IRF5: variants seen among roughly 807,000 people sequenced by gnomAD.
IRF5 encodes interferon regulatory factor 5.
In IRF5, 24 loss-of-function variants were observed where a neutral mutation model predicts 55.1. That is an observed-to-expected ratio of 0.44 (90% CI 0.32 to 0.61). The LOEUF (loss-of-function observed/expected upper bound fraction) is 0.61. IRF5 is among the 20% of genes least tolerant of loss of function. The pLI is 0.07. For synonymous variants in IRF5, 258 were observed against 260.2 expected (o/e 0.99, Z 0.08); for missense variants, 499 against 658.5 (o/e 0.76, Z 2.65).
Position 128,947,315 on chromosome 7 carries a change from TCTGCGGCCGCCTACTCTGCAGCCGCC to T in IRF5, c.569_594del (p.Leu190HisfsTer34), listed in dbSNP as rs774993634. 1 of 415,070 alleles carries T rather than the reference TCTGCGGCCGCCTACTCTGCAGCCGCC, an allele frequency of 2.4e-6. No individual in the cohort carries two copies. Among genetic ancestry groups the T allele is most frequent in the Non-Finnish European group, 3.4e-6 (1 of 292,530 alleles). The allele number at this position is 415,070 out of a possible 1,614,324, so 25.7% of individuals were successfully genotyped here. A position where few individuals can be genotyped will look rare whatever the true frequency, so the allele number is the denominator to read the frequency against. On this transcript the variant is annotated frameshift_variant, in exon 6 of 9. Coordinates refer to ENST00000357234, the MANE Select transcript of IRF5 (RefSeq NM_001098629.3). LOFTEE classifies it high-confidence loss of function. The surrounding 1 kb of genome is among the most constrained non-coding windows in gnomAD (Gnocchi z 6.5). ...GGCCGCCCACTCTGCAGCCGCCCAC[TCTGCGGCCGCCTACTCTGCAGCCGCC>T]CACTCTGCAGCCGCCCGTGGTGCTG... is the stretch of plus-strand genomic sequence containing the variant.
chr7:128,941,514 A>T (rs1796017618), intron 1 of IRF5: 1 of 152,482 alleles, frequency 6.6e-6, no homozygotes, highest in South Asian at 2.1e-4. Flanking sequence ...TCCAGATGAG[A>T]TTCTTGTTGA....
In IRF5 at chr7:128,947,242, C is replaced by T. The variant is rs781456978; in HGVS notation, c.494C>T (p.Ser165Phe). The T allele has an allele frequency of 3.3e-5, 53 of 1,605,560 alleles. No individual in the cohort carries two copies. Among genetic ancestry groups the T allele is most frequent in the Non-Finnish European group, 3.5e-5 (41 of 1,175,698 alleles). ...PSLSLTDAVQSGPHMTPYSLL... is the reference protein window; with the variant it reads ...PSLSLTDAVQFGPHMTPYSLL... ...GCACTCTCTGTAGATGCAGTGCAGT[C>T]TGGCCCCCACATGACACCCTATTCT... Residue 165 changes from serine to phenylalanine, a missense_variant, in exon 6 of 9, where the codon TCT (serine) becomes TTT (phenylalanine). This residue lies in a region of IRF5 where 305 missense variants were observed against 340.2 expected (regional missense o/e 0.90). Transcript: ENST00000357234. The surrounding 1 kb of genome is among the most constrained non-coding windows in gnomAD (Gnocchi z 6.5).
intron 2 of IRF5, among the ~76,000 whole-genome samples, chr7:128,942,841 T>C (rs1212637746): frequency 2.6e-5 from 4 of 152,140 alleles, no homozygotes; most frequent in African/African-American, 2.4e-5. Context: ...CAGTGGTGAT[T>C]TGATAAGCAC....
intron 1 of IRF5, among the ~76,000 whole-genome samples, chr7:128,939,440 AGGGTGT>A (rs750558700): frequency 2.7e-4 from 41 of 152,144 alleles, no homozygotes; most frequent in South Asian, 6.2e-4. Context: ...AGCAGGGCCC[AGGGTGT>A]GGGCAGCTGA....
Position 128,949,390 on chromosome 7 carries a change from T to C in IRF5, c.*572T>C, listed in dbSNP as rs1796506540. 1 of 152,394 alleles carries C rather than the reference T, an allele frequency of 6.6e-6. No homozygotes were observed. Among genetic ancestry groups the C allele is most frequent in the Non-Finnish European group, 1.5e-5 (1 of 68,180 alleles). 9.4% of individuals were successfully genotyped at this position (152,394 alleles called of 1,614,324 possible). A position where few individuals can be genotyped will look rare whatever the true frequency, so the allele number is the denominator to read the frequency against. On this transcript the variant is annotated 3_prime_UTR_variant, in exon 9 of 9. Transcript: ENST00000357234. ...GGATTAATGAATGTTAAAAACAGAC[T>C]CAGCTGTTTCTTTCCTTTTACTACT...
At chr7:128,938,873 G>C (rs1173298061) in intron 1 of IRF5, among the ~76,000 whole-genome samples, 1 of 152,054 alleles carries the variant, frequency 6.6e-6, no homozygotes, top group Non-Finnish European at 1.5e-5. Context: ...GCAGAGGCTG[G>C]AGTGGGGGAC....
intron 1 of IRF5, chr7:128,940,932 G>T: frequency 6.5e-6 from 1 of 152,694 alleles, no homozygotes; most frequent in Non-Finnish European, 1.5e-5. Context: ...GGCCAAAGCA[G>T]GCCCAGACAC....
Position 128,947,131 on chromosome 7 carries a change from C to CT in IRF5, c.481+76dup. 1 of 1,612,758 alleles carries CT rather than the reference C, an allele frequency of 6.2e-7. No homozygotes were observed. Among genetic ancestry groups the CT allele is most frequent in the South Asian group, 1.1e-5 (1 of 91,000 alleles). On this transcript the variant is annotated intron_variant, in intron 5 of 8. Transcript: ENST00000357234. The surrounding 1 kb of genome is among the most constrained non-coding windows in gnomAD (Gnocchi z 6.5). ...GGTACCATAGGTACCTGGAAGGGGG[C>CT]TGATGGGAGGCTAGGGTGGCCCAGG... is the stretch of plus-strand genomic sequence containing the variant.
In IRF5 at chr7:128,948,634, C is replaced by CTG; in HGVS notation, c.1362_1363dup (p.Asp455ValfsTer152). 6.2e-7 allele frequency: 1 copy of CTG among 1,614,196 alleles called. No individual in the cohort carries two copies. Among genetic ancestry groups the CTG allele is most frequent in the Non-Finnish European group, 8.5e-7 (1 of 1,180,042 alleles). On this transcript the variant is annotated frameshift_variant, in exon 9 of 9. Transcript: ENST00000357234. LOFTEE classifies it high-confidence loss of function. The surrounding 1 kb of genome is among the most constrained non-coding windows in gnomAD (Gnocchi z 4.6). Reference sequence around the variant, plus strand: ...TTCTCAGGGGAGCTATCTTGGTCAGCTGATAGTATCCGGCTACAGATCTCA... The same window carrying CTG: ...TTCTCAGGGGAGCTATCTTGGTCAGCTGTGATAGTATCCGGCTACAGATCTCA...
At position 128,948,301 on chromosome 7, in the gene IRF5, C is replaced by T; in HGVS notation, c.1272C>T (p.Pro424=). 1 of 1,610,288 alleles carries T rather than the reference C, an allele frequency of 6.2e-7. No individual in the cohort carries two copies. The highest frequency in any genetic ancestry group is 8.5e-7 in the Non-Finnish European group (1 of 1,178,766). ...CFGEEWPDRK[P]REKKLITVQV... is the part of the protein sequence containing the mutation. ...GGGAAGAATGGCCTGACCGCAAACC[C>T]CGAGAGAAGAAGCTCATTACTGTAC... Residue 424 remains proline (P), a synonymous_variant, in exon 8 of 9, where the codon CCC becomes CCT. Transcript: ENST00000357234. The surrounding 1 kb of genome is among the most constrained non-coding windows in gnomAD (Gnocchi z 4.6).
chr7:128,947,812 T>C lies in IRF5; in HGVS notation c.871T>C (p.Phe291Leu). The change falls in exon 7 of 9, where the codon TTC becomes CTC. Residue 291 changes from phenylalanine (F) to leucine (L), a missense_variant. Physicochemically the swap from Phe to Leu is conservative, Grantham distance 22. Coordinates refer to ENST00000357234, the MANE Select transcript of IRF5 (RefSeq NM_001098629.3). This position sits in a 1 kb window ranked among gnomAD's most constrained non-coding sequence, Gnocchi z 6.5. Reference sequence around the variant, plus strand: ...CAGCAACCCCCATGGCTGCCGGCTCTTCTACAGCCAGCTGGAGGCCACCCA... The same window carrying C: ...CAGCAACCCCCATGGCTGCCGGCTCCTCTACAGCCAGCTGGAGGCCACCCA... ...TISNPHGCRL[F>L]YSQLEATQEQ... The C allele has an allele frequency of 6.2e-7, 1 of 1,613,754 alleles. No homozygotes were observed.
rs749644072 is a variant in IRF5 at position 128,948,862 on chromosome 7, T to A, written c.*44T>A. On this transcript the variant is annotated 3_prime_UTR_variant, in exon 9 of 9. Coordinates refer to ENST00000357234, the MANE Select transcript of IRF5 (RefSeq NM_001098629.3). This position sits in a 1 kb window ranked among gnomAD's most constrained non-coding sequence, Gnocchi z 4.6. ...CTGGCCCTGGCTTCCTGGGTGGCGG[T>A]GCGGACTGATGTGGAGATGTGACAG... The A allele has an allele frequency of 1.3e-6, 2 of 1,580,948 alleles. No homozygotes were observed. The highest frequency in any genetic ancestry group is 1.7e-6 in the Non-Finnish European group (2 of 1,170,074).
chr7:128,939,426 G>A (rs1323062366), intron 1 of IRF5, among the ~76,000 whole-genome samples: 1 of 152,144 alleles, frequency 6.6e-6, no homozygotes, highest in East Asian at 1.9e-4. Flanking sequence ...TGGACCAGGT[G>A]GGCAGCAGGG....
At chr7:128,939,068 G>A (rs1795886731) in intron 1 of IRF5, among the ~76,000 whole-genome samples, 1 of 151,520 alleles carries the variant, frequency 6.6e-6, no homozygotes, top group Non-Finnish European at 1.5e-5. Context: ...GGGGAGCAGG[G>A]GCGGAGGACT....
chr7:128,947,989 C>A lies in IRF5; in HGVS notation c.1048C>A (p.Leu350Ile), dbSNP rs1796417886. 6.2e-7 allele frequency: 1 copy of A among 1,614,156 alleles called. No individual in the cohort carries two copies. Among genetic ancestry groups the A allele is most frequent in the Non-Finnish European group, 8.5e-7 (1 of 1,180,026 alleles). The change falls in exon 7 of 9, where the codon CTT becomes ATT. Residue 350 changes from leucine to isoleucine, a missense_variant. Leu to Ile is a conservative substitution (Grantham distance 5). Coordinates refer to ENST00000357234, the MANE Select transcript of IRF5 (RefSeq NM_001098629.3). The surrounding 1 kb of genome is among the most constrained non-coding windows in gnomAD (Gnocchi z 6.5). ...GLILQLQGQD[L>I]YAIRLCQCKV... ...CATCCTCCAGCTACAGGGCCAGGAC[C>A]TTTATGCCATCCGCCTGTGTCAGTG... is the stretch of plus-strand genomic sequence containing the variant.
At chr7:128,937,295 G>A (rs151220401), upstream of IRF5, among the ~76,000 whole-genome samples, 619 of 152,340 alleles carry the variant, frequency 4.1e-3, 5 homozygotes, top group African/African-American at 0.014. Context: ...CTGGGGTGAG[G>A]TTCTTTATGG....
At chr7:128,940,428 C>A (rs939771665) in intron 1 of IRF5, 2 of 152,322 alleles carry the variant, frequency 1.3e-5, no homozygotes, top group African/African-American at 4.8e-5. Context: ...TATTCTAGGG[C>A]CAAGGCCTCT....
intron 2 of IRF5, among the ~76,000 whole-genome samples, chr7:128,943,363 G>C (rs1222240968): frequency 6.7e-6 from 1 of 148,318 alleles, no homozygotes; most frequent in Admixed American, 6.7e-5. Flanking sequence ...TACTACAACT[G>C]TACATATATA....
chr7:128,949,109 T>G lies in IRF5; in HGVS notation c.*291T>G. 2.7e-6 allele frequency: 1 copy of G among 375,754 alleles called. No individual in the cohort carries two copies. The highest frequency in any genetic ancestry group is 4.9e-6 in the Non-Finnish European group (1 of 204,916). 23.3% of individuals were successfully genotyped at this position (375,754 alleles called of 1,614,324 possible). On this transcript the variant is annotated 3_prime_UTR_variant, in exon 9 of 9. Transcript: ENST00000357234. ...GCCTAGCTGTATAGGAGGAATTGCCTAAGGGTGGCCCACTCTTGTGATTGC... is the reference window on the plus strand; with the variant it reads ...GCCTAGCTGTATAGGAGGAATTGCCGAAGGGTGGCCCACTCTTGTGATTGC...
Sources: gnomAD v4.1 joint callset for allele counts (sites outside exome capture counted in the v4.1 genomes callset) on GRCh38, gnomAD v4.1.1 for gene constraint, gnomAD v4.1.1 regional missense constraint, Gnocchi (gnomAD v3.1) non-coding constraint, MANE v1.5 for transcripts, NCBI Gene and HGNC (gene_info 2026-07-23, HGNC 2026-07-21) for gene names.